Variants in VSTM2A observed in about 807,000 individuals in gnomAD.
The protein encoded by VSTM2A is V-set and transmembrane domain containing 2A.
Under a neutral mutation model 27.3 loss-of-function variants are expected in VSTM2A, and 13 were observed. The observed-to-expected ratio is 0.48, with a 90% confidence interval of 0.31 to 0.76. The LOEUF is 0.76. VSTM2A is among the 30% of genes least tolerant of loss of function. The pLI, the probability that VSTM2A is intolerant of heterozygous loss-of-function variation, is 0.05. For synonymous variants in VSTM2A, 142 were observed against 125.7 expected, an observed-to-expected ratio of 1.13 and a Z score of -0.87; for missense variants, 280 against 310.0, an observed-to-expected ratio of 0.90 and a Z score of 0.73.
At position 54,546,973 on chromosome 7, in the gene VSTM2A, G is replaced by C; in HGVS notation, c.273G>C (p.Pro91=). 1 of 1,594,378 alleles carries C rather than the reference G, an allele frequency of 6.3e-7. No homozygotes were observed. Among genetic ancestry groups the C allele is most frequent in the Non-Finnish European group, 8.5e-7 (1 of 1,172,862 alleles). The stretch of plus-strand genomic sequence containing the variant: ...TGGAGCTCTTGCCCGACAGAGACCC[G>C]GACAGCGACGGGACCAAGATCAGCG... ...AQVELLPDRD[P]DSDGTKISTV... Residue 91 remains proline (P), a synonymous_variant, in exon 3 of 5, where the codon CCG becomes CCC. Coordinates refer to ENST00000402613, the MANE Select transcript of VSTM2A (RefSeq NM_001301009.2).
At chr7:54,547,165 T>G in intron 3 of VSTM2A, 168 bp downstream of exon 3, 1 of 622,344 alleles carries the variant, frequency 1.6e-6, no homozygotes, top group Non-Finnish European at 2.5e-6. Flanking sequence ...AGTCCCTAAA[T>G]AAAATTACAT....
At chr7:54,559,233 A>G (rs965236424) in intron 4 of VSTM2A, 1 of 152,118 alleles carries the variant, frequency 6.6e-6, no homozygotes, top group African/African-American at 2.4e-5. Flanking sequence ...AAGATATAAA[A>G]TATATAATCT....
At chr7:54,550,330 A>G (rs994108805) in intron 4 of VSTM2A, 160 bp downstream of exon 4, 39 of 1,458,200 alleles carry the variant, frequency 2.7e-5, no homozygotes, top group Admixed American at 1.3e-4. Context: ...GCCTGCACCA[A>G]TTCACTCAGA....
At chr7:54,542,853 G>A (rs1787829380) in intron 1 of VSTM2A, 44 bp downstream of exon 1, 1 of 1,564,482 alleles carries the variant, frequency 6.4e-7, no homozygotes, top group Non-Finnish European at 8.8e-7. Context: ...TTGCGTGTGT[G>A]TGTGTTTCCT....
intron 3 of VSTM2A, among the ~76,000 whole-genome samples, chr7:54,547,963 A>G (rs182256394): frequency 1.7e-4 from 26 of 152,334 alleles, no homozygotes; most frequent in Admixed American, 1.6e-3. Flanking sequence ...AAGATGAAAT[A>G]TCAACCATAA....
intron 3 of VSTM2A, among the ~76,000 whole-genome samples, chr7:54,548,079 T>C (rs1788060729): frequency 6.6e-6 from 1 of 152,196 alleles, no homozygotes; most frequent in Non-Finnish European, 1.5e-5. Context: ...GCTTTATTGG[T>C]AAAATCTAGT....
chr7:54,562,271 A>G (rs1341658152), intron 4 of VSTM2A, among the ~76,000 whole-genome samples: 1 of 152,216 alleles, frequency 6.6e-6, no homozygotes, highest in African/African-American at 2.4e-5. Context: ...TTTTCAATTT[A>G]CATAAGAAGA....
chr7:54,560,513 G>T (rs1276005957), intron 4 of VSTM2A, among the ~76,000 whole-genome samples: 2 of 152,156 alleles, frequency 1.3e-5, no homozygotes, highest in Admixed American at 6.5e-5. Flanking sequence ...AGATGAAAGT[G>T]AGGAGCAATG....
At chr7:54,556,024 GT>G (rs2115859836) in intron 4 of VSTM2A, among the ~76,000 whole-genome samples, 1 of 152,230 alleles carries the variant, frequency 6.6e-6, no homozygotes, top group Non-Finnish European at 1.5e-5. Context: ...GCTTTTTGAA[GT>G]TTTTCAGGGT....
rs1038432383 is a variant in VSTM2A at position 54,570,754 on chromosome 7, TAA to T, written c.*1536_*1537del. The T allele has an allele frequency of 6.6e-6, 1 of 152,170 alleles. No homozygotes were observed. Among genetic ancestry groups the T allele is most frequent in the African/African-American group, 2.4e-5 (1 of 41,454 alleles). The allele number at this position is 152,170 out of a possible 1,614,324, so 9.4% of individuals were successfully genotyped here. On this transcript the variant is annotated 3_prime_UTR_variant, in exon 5 of 5. Coordinates refer to ENST00000402613, the MANE Select transcript of VSTM2A (RefSeq NM_001301009.2). ...GATAAAGCTTGAGAGATAAATGACC[TAA>T]GTTTTCCTTCCAGAGAGACTCTTCC...
intron 3 of VSTM2A, among the ~76,000 whole-genome samples, chr7:54,549,423 G>A (rs1788108769): frequency 6.6e-6 from 1 of 152,236 alleles, no homozygotes; most frequent in South Asian, 2.1e-4. Flanking sequence ...TCTCAGAGTT[G>A]AGGGGCTTAG....
intron 3 of VSTM2A, 103 bp downstream of exon 3, chr7:54,547,100 A>G (rs1317261146): frequency 2.9e-6 from 4 of 1,374,844 alleles, no homozygotes; most frequent in Non-Finnish European, 2.9e-6. Context: ...ACAGCCGGAC[A>G]GCCGGGTGCC....
At chr7:54,546,653 C>A in intron 2 of VSTM2A, 1 of 350,874 alleles carries the variant, frequency 2.9e-6, no homozygotes, top group Non-Finnish European at 5.2e-6. Flanking sequence ...GCCTCCAGAG[C>A]GCAGCATCCG....
intron 1 of VSTM2A, among the ~76,000 whole-genome samples, chr7:54,543,202 C>T (rs1787841387): frequency 6.6e-6 from 1 of 152,092 alleles, no homozygotes; most frequent in Non-Finnish European, 1.5e-5. Context: ...CTTGTGTAGT[C>T]AGACTGGGCT....
intron 4 of VSTM2A, among the ~76,000 whole-genome samples, chr7:54,561,152 C>A (rs1407067902): frequency 6.6e-6 from 1 of 152,104 alleles, no homozygotes; most frequent in Non-Finnish European, 1.5e-5. Context: ...GAATTTAAAA[C>A]CTCACTCTAT....
intron 4 of VSTM2A, among the ~76,000 whole-genome samples, chr7:54,556,598 T>A (rs1279443037): frequency 1.3e-5 from 2 of 152,214 alleles, no homozygotes; most frequent in Non-Finnish European, 2.9e-5. Flanking sequence ...TTAAATTAAT[T>A]TAATCATTGT....
chr7:54,542,887 AG>A, intron 1 of VSTM2A, 78 bp downstream of exon 1: 1 of 1,337,916 alleles, frequency 7.5e-7, no homozygotes, highest in Non-Finnish European at 1.1e-6. Context: ...ATGGACAGGC[AG>A]ATAGAATAAG....
chr7:54,550,008 C>A lies in VSTM2A; in HGVS notation c.472C>A (p.Gln158Lys), dbSNP rs921316397. 6.2e-7 allele frequency: 1 copy of A among 1,612,494 alleles called. No homozygotes were observed. Among genetic ancestry groups the A allele is most frequent in the African/African-American group, 1.3e-5 (1 of 75,020 alleles). Residue 158 changes from glutamine to lysine, a missense_variant, in exon 4 of 5, where the codon CAG becomes AAG. Physicochemically the swap from Gln to Lys is moderately conservative, Grantham distance 53. Coordinates refer to ENST00000402613, the MANE Select transcript of VSTM2A (RefSeq NM_001301009.2). ...TGCCAACAGCCATGCCCGCAGAATG[C>A]AGGCCTTCGAAGCCTCGCCCATGTG... ...VNANSHARRM[Q>K]AFEASPMWLQ...
At position 54,544,771 on chromosome 7, in the gene VSTM2A, G is replaced by A; in HGVS notation, c.229G>A (p.Glu77Lys). Residue 77 changes from glutamate (E) to lysine (K), a missense_variant, in exon 2 of 5, where the codon GAG (glutamate) becomes AAG (lysine). By Grantham distance (56) the Glu-to-Lys change is moderately conservative. Coordinates refer to ENST00000402613, the MANE Select transcript of VSTM2A (RefSeq NM_001301009.2). ...GCCGGAGGACCTGGATCCCGGGGCC[G>A]AGGGGGCCGGCGCGCAGGTAGCGGA... ...RGPEDLDPGA[E>K]GAGAQVELLP... The A allele has an allele frequency of 2.5e-6, 4 of 1,608,970 alleles. No individual in the cohort carries two copies. The highest frequency in any genetic ancestry group is 3.4e-6 in the Non-Finnish European group (4 of 1,178,080).
Sources: gnomAD v4.1 joint callset for allele counts (sites outside exome capture counted in the v4.1 genomes callset) on GRCh38, gnomAD v4.1.1 for gene constraint, MANE v1.5 for transcripts, NCBI Gene and HGNC (gene_info 2026-07-23, HGNC 2026-07-21) for gene names.